Variants in AGBL1 observed in about 807,000 individuals in gnomAD.
The protein encoded by AGBL1 is AGBL carboxypeptidase 1.
AGBL1 carries 130 observed loss-of-function variants against 118.9 expected under a neutral mutation model. That is an observed-to-expected ratio of 1.09 (90% CI 0.95 to 1.26). AGBL1 has a LOEUF of 1.26. Ranked by LOEUF, AGBL1 falls within the 50% of genes most tolerant of loss-of-function variation. The pLI is 0.00. For missense variants in AGBL1, 1,584 were observed against 1,298.1 expected, an observed-to-expected ratio of 1.22 and a Z score of -3.38; for synonymous variants, 555 against 478.9, an observed-to-expected ratio of 1.16 and a Z score of -2.08.
chr15:86,422,631 C>T (rs1322187694), intron 18 of AGBL1, among the ~76,000 whole-genome samples: 1 of 151,608 alleles, frequency 6.6e-6, no homozygotes, highest in African/African-American at 2.4e-5. Flanking sequence ...AAAAACCCTT[C>T]AAAAAAATCA....
chr15:86,549,857 A>C (rs1596255073), intron 20 of AGBL1, among the ~76,000 whole-genome samples: 1 of 76,304 alleles, frequency 1.3e-5, no homozygotes, highest in African/African-American at 5.0e-5. Flanking sequence ...ACAGGAGAGG[A>C]GGGGAGGGGA....
chr15:86,987,130 A>G (rs1386975869), intron 23 of AGBL1, among the ~76,000 whole-genome samples: 3 of 152,162 alleles, frequency 2.0e-5, no homozygotes, highest in Non-Finnish European at 4.4e-5. Flanking sequence ...GAATGTCATC[A>G]GTGAAGGCAG....
chr15:86,203,764 G>A (rs1472053853), intron 5 of AGBL1, among the ~76,000 whole-genome samples: 4 of 151,990 alleles, frequency 2.6e-5, no homozygotes, highest in African/African-American at 4.8e-5. Flanking sequence ...ACTCATCTTC[G>A]TATTTCCATT....
At chr15:87,011,030 A>T (rs564548515) in intron 24 of AGBL1, among the ~76,000 whole-genome samples, 2 of 152,350 alleles carry the variant, frequency 1.3e-5, no homozygotes, top group South Asian at 4.1e-4. Context: ...TGTTAAGTGC[A>T]GATAAACTAA....
chr15:86,361,739 T>C (rs1270630423), intron 17 of AGBL1, among the ~76,000 whole-genome samples: 2 of 152,184 alleles, frequency 1.3e-5, no homozygotes, highest in Non-Finnish European at 2.9e-5. Flanking sequence ...ATTAGTCTAC[T>C]TTGTTTGATA....
At chr15:86,486,409 A>G (rs1443271931) in intron 18 of AGBL1, among the ~76,000 whole-genome samples, 1 of 152,084 alleles carries the variant, frequency 6.6e-6, no homozygotes, top group Non-Finnish European at 1.5e-5. Context: ...GGCAAAAGTA[A>G]TGATTCCATG....
At chr15:86,829,457 G>A (rs146280538) in intron 22 of AGBL1, among the ~76,000 whole-genome samples, 223 of 152,214 alleles carry the variant, frequency 1.5e-3, no homozygotes, top group African/African-American at 5.1e-3. Context: ...ATGATGATGT[G>A]TTGTTTCTCT....
At chr15:86,663,428 C>G (rs1225537480) in intron 21 of AGBL1, among the ~76,000 whole-genome samples, 1 of 152,108 alleles carries the variant, frequency 6.6e-6, no homozygotes, top group Non-Finnish European at 1.5e-5. Context: ...ACCATAGAGA[C>G]CCAGGTCTAA....
intron 18 of AGBL1, among the ~76,000 whole-genome samples, chr15:86,412,739 G>A (rs1469153924): frequency 2.6e-5 from 4 of 152,116 alleles, no homozygotes; most frequent in Admixed American, 2.6e-4. Context: ...TTTAGACACA[G>A]TTACTACAAC....
intron 22 of AGBL1, among the ~76,000 whole-genome samples, chr15:86,699,414 A>G (rs892634528): frequency 6.6e-6 from 1 of 152,106 alleles, no homozygotes; most frequent in Admixed American, 6.6e-5. Flanking sequence ...TAGTTGTTCC[A>G]GCAGTGCCCT....
chr15:86,384,954 G>A (rs1416718059), intron 17 of AGBL1, among the ~76,000 whole-genome samples: 1 of 152,114 alleles, frequency 6.6e-6, no homozygotes, highest in Non-Finnish European at 1.5e-5. Flanking sequence ...CTGTTCCATT[G>A]GGGTATAGTA....
At chr15:86,866,801 G>C (rs1237493102) in intron 22 of AGBL1, among the ~76,000 whole-genome samples, 1 of 152,220 alleles carries the variant, frequency 6.6e-6, no homozygotes, top group Non-Finnish European at 1.5e-5. Flanking sequence ...GCAGTGAGCT[G>C]AGGACAGAGC....
At chr15:86,229,423 C>T (rs543249688) in intron 6 of AGBL1, among the ~76,000 whole-genome samples, 16 of 152,282 alleles carry the variant, frequency 1.1e-4, no homozygotes, top group African/African-American at 3.8e-4. Context: ...CATGAGAACT[C>T]ACTCACTATC....
At chr15:86,972,002 T>TAGC in intron 23 of AGBL1, among the ~76,000 whole-genome samples, 1 of 151,992 alleles carries the variant, frequency 6.6e-6, no homozygotes, top group Non-Finnish European at 1.5e-5. Flanking sequence ...CTGCCATGAT[T>TAGC]CTAAGTTCCC....
rs9707839 is a variant in AGBL1, at chr15:86,410,841, T to A, written c.2555+13295T>A. Among the ~76,000 whole-genome samples, 241 of 64,496 alleles carry A rather than the reference T, an allele frequency of 3.7e-3. 7 individuals are homozygous for A. Among genetic ancestry groups the A allele is most frequent in the African/African-American group, 0.012 (176 of 15,000 alleles). 42.3% of individuals were successfully genotyped at this position (64,496 alleles called of 152,430 possible). On this transcript the variant is annotated intron_variant, in intron 18 of 22. Coordinates refer to ENST00000614907, the MANE Select transcript of AGBL1 (RefSeq NM_001386094.1). ...ATATATATATATATATATATATATA[T>A]AATATACTATTTTATATATAAAATA...
At chr15:86,334,634 T>A (rs1481026534) in intron 17 of AGBL1, among the ~76,000 whole-genome samples, 2 of 143,664 alleles carry the variant, frequency 1.4e-5, no homozygotes, top group Non-Finnish European at 3.2e-5. Context: ...CTAATGTCAC[T>A]TTTCACATAA....
intron 4 of AGBL1, 59 bp downstream of exon 4, chr15:86,154,620 G>A: frequency 7.1e-6 from 11 of 1,549,190 alleles, no homozygotes; most frequent in Non-Finnish European, 9.6e-6. Context: ...GGGACACATG[G>A]AAACTGCATG....
At chr15:86,668,651 T>G (rs1056383451) in intron 21 of AGBL1, among the ~76,000 whole-genome samples, 8 of 152,142 alleles carry the variant, frequency 5.3e-5, no homozygotes, top group Non-Finnish European at 8.8e-5. Context: ...TGCCAGAGGT[T>G]GTTGTAAGAC....
intron 23 of AGBL1, among the ~76,000 whole-genome samples, chr15:86,955,620 G>C (rs1176367247): frequency 6.6e-6 from 1 of 152,080 alleles, no homozygotes; most frequent in Non-Finnish European, 1.5e-5. Context: ...AGAAAAGAAA[G>C]ATTAGAGTAG....
Sources: allele counts gnomAD v4.1 joint callset (sites outside exome capture counted in the v4.1 genomes callset), GRCh38; gene constraint gnomAD v4.1.1; transcripts MANE v1.5; gene names NCBI Gene and HGNC (gene_info 2026-07-23, HGNC 2026-07-21).